The following PLCL1 variants were observed in gnomAD, a reference collection of about 807,000 sequenced individuals.
PLCL1 encodes the protein phospholipase C like 1 (inactive).
Under a neutral mutation model 84.4 loss-of-function variants are expected in PLCL1, and 41 were observed. That is an observed-to-expected ratio of 0.49 (90% CI 0.38 to 0.63). PLCL1 has a LOEUF of 0.63. Ranked by LOEUF, PLCL1 falls within the 30% of genes least tolerant of loss-of-function variation. The pLI is 0.00. For missense variants in PLCL1, 1,206 were observed against 1,367.8 expected (o/e 0.88, Z 1.87); for synonymous variants, 490 against 488.3 (o/e 1.00, Z -0.05).
intron 5 of PLCL1, among the ~76,000 whole-genome samples, chr2:198,136,339 G>A (rs1016288633): frequency 4.6e-5 from 7 of 152,092 alleles, no homozygotes; most frequent in Admixed American, 1.3e-4. Context: ...GCCATTTTAT[G>A]GATGAGGAAA....
rs1317509174 is a variant in PLCL1 at position 198,149,560 on chromosome 2, TCTTAC to T, written c.*2602_*2606del. ...TAACATTTTAAACCAGACTATTAAC[TCTTAC>T]CTTTATAACCACAGATACAAAGAAC... On this transcript the variant is annotated 3_prime_UTR_variant, in exon 6 of 6. Coordinates refer to ENST00000428675, the MANE Select transcript of PLCL1 (RefSeq NM_006226.4). 1.3e-5 allele frequency: 2 copies of T among 152,272 alleles called. No individual in the cohort carries two copies. The highest frequency in any genetic ancestry group is 2.9e-5 in the Non-Finnish European group (2 of 68,038). The allele number at this position is 152,272 out of a possible 1,614,324, so 9.4% of individuals were successfully genotyped here. A position where few individuals can be genotyped will look rare whatever the true frequency, so the allele number is the denominator to read the frequency against.
chr2:197,866,032 A>ATAT lies in PLCL1; in HGVS notation c.240+60693_240+60694insTAT, dbSNP rs1460970872. On this transcript the variant is annotated intron_variant, in intron 1 of 5. Coordinates refer to ENST00000428675, the MANE Select transcript of PLCL1 (RefSeq NM_006226.4). The stretch of plus-strand genomic sequence containing the variant: ...CTCCAAAAAAAAAAAAAAAAAAAAA[A>ATAT]AAAAATATATATATATATATACACA... Among the ~76,000 whole-genome samples the ATAT allele has an allele frequency of 3.0e-4, 17 of 56,278 alleles. 1 individual carries two copies. The highest frequency in any genetic ancestry group is 5.1e-4 in the Non-Finnish European group (16 of 31,316). 36.9% of individuals were successfully genotyped at this position (56,278 alleles called of 152,430 possible).
intron 1 of PLCL1, among the ~76,000 whole-genome samples, chr2:197,854,084 A>G (rs1687289046): frequency 6.6e-6 from 1 of 152,124 alleles, no homozygotes; most frequent in Non-Finnish European, 1.5e-5. Context: ...ATTCTTACGC[A>G]CATTATTAGC....
intron 1 of PLCL1, among the ~76,000 whole-genome samples, chr2:198,004,555 C>A (rs1348190343): frequency 6.6e-6 from 1 of 152,090 alleles, no homozygotes; most frequent in East Asian, 1.9e-4. Context: ...TTAAAAAAAA[C>A]TTTGTGGCTC....
At chr2:198,115,928 T>C (rs532478959) in intron 5 of PLCL1, among the ~76,000 whole-genome samples, 28 of 147,966 alleles carry the variant, frequency 1.9e-4, no homozygotes, top group African/African-American at 6.9e-4. Context: ...TTTTATGAAA[T>C]ATAAAATTAT....
chr2:198,034,069 A>C (rs1302670214), intron 1 of PLCL1, among the ~76,000 whole-genome samples: 1 of 152,164 alleles, frequency 6.6e-6, no homozygotes, highest in Non-Finnish European at 1.5e-5. Context: ...ATATGTATAC[A>C]TGTACCATGT....
At chr2:197,811,447 C>T (rs1392021597) in intron 1 of PLCL1, among the ~76,000 whole-genome samples, 1 of 152,136 alleles carries the variant, frequency 6.6e-6, no homozygotes, top group African/African-American at 2.4e-5. Context: ...TTAAACTCAT[C>T]TTATTAATAA....
At chr2:197,923,823 T>C (rs1475263309) in intron 1 of PLCL1, among the ~76,000 whole-genome samples, 2 of 151,160 alleles carry the variant, frequency 1.3e-5, no homozygotes, top group Non-Finnish European at 3.0e-5. Context: ...GAGGTGTAGG[T>C]TGTAGCGAGC....
chr2:197,978,922 C>G (rs1192413866), intron 1 of PLCL1, among the ~76,000 whole-genome samples: 8 of 152,220 alleles, frequency 5.3e-5, no homozygotes, highest in Non-Finnish European at 1.2e-4. Flanking sequence ...CAACTCCACA[C>G]AGACAATGGC....
intron 5 of PLCL1, among the ~76,000 whole-genome samples, chr2:198,116,535 A>G (rs1172993258): frequency 6.6e-6 from 1 of 151,874 alleles, no homozygotes; most frequent in Non-Finnish European, 1.5e-5. Context: ...TTTTAAAAAT[A>G]TGCTTAAATT....
intron 1 of PLCL1, among the ~76,000 whole-genome samples, chr2:197,998,175 ATGTG>A (rs58332002): frequency 0.045 from 5,937 of 131,876 alleles, 134 homozygotes; most frequent in South Asian, 0.051. Flanking sequence ...GAATGGAGCT[ATGTG>A]TGTGTGTGTG....
intron 1 of PLCL1, among the ~76,000 whole-genome samples, chr2:197,903,189 G>A (rs1688301047): frequency 6.6e-6 from 1 of 152,062 alleles, no homozygotes; most frequent in Non-Finnish European, 1.5e-5. Flanking sequence ...TATAATAAAT[G>A]TTTTAGGATT....
At chr2:198,045,178 C>T (rs933242071) in intron 1 of PLCL1, among the ~76,000 whole-genome samples, 1 of 152,058 alleles carries the variant, frequency 6.6e-6, no homozygotes, top group African/African-American at 2.4e-5. Context: ...TATTTATATC[C>T]CAAAACATAG....
intron 1 of PLCL1, among the ~76,000 whole-genome samples, chr2:197,887,253 G>A (rs1415052836): frequency 6.6e-6 from 1 of 152,026 alleles, no homozygotes; most frequent in African/African-American, 2.4e-5. Context: ...GTTTTACATT[G>A]GAGTGTAGTG....
rs1402779510 is a variant in PLCL1 at position 198,147,309 on chromosome 2, AGTTATTCCTTGAT to A, written c.*348_*360del. Reference sequence around the variant, plus strand: ...TCTGTGTTGCATTATTCATTTAGTGAGTTATTCCTTGATCATTTTGGGACAATTGTTTTAATCT... The same window carrying A: ...TCTGTGTTGCATTATTCATTTAGTGACATTTTGGGACAATTGTTTTAATCT... On this transcript the variant is annotated 3_prime_UTR_variant, in exon 6 of 6. Transcript: ENST00000428675. 1 of 162,716 alleles carries A rather than the reference AGTTATTCCTTGAT, an allele frequency of 6.1e-6. No homozygotes were observed. Among genetic ancestry groups the A allele is most frequent in the Non-Finnish European group, 1.3e-5 (1 of 75,216 alleles). 10.1% of individuals were successfully genotyped at this position (162,716 alleles called of 1,614,324 possible).
In PLCL1 at chr2:197,854,321, C is replaced by T. The variant is rs1687293257; in HGVS notation, c.240+48982C>T. Among the ~76,000 whole-genome samples the T allele has an allele frequency of 1.3e-5, 2 of 152,186 alleles. 1 individual carries two copies. The highest frequency in any genetic ancestry group is 4.1e-4 in the South Asian group (2 of 4,828). On this transcript the variant is annotated intron_variant, in intron 1 of 5. Coordinates refer to ENST00000428675, the MANE Select transcript of PLCL1 (RefSeq NM_006226.4). ...AAGTGGAATACCAAGCCAATTCAAACATAAATCTAAACATATATTGATTTC... is the reference window on the plus strand; with the variant it reads ...AAGTGGAATACCAAGCCAATTCAAATATAAATCTAAACATATATTGATTTC...
intron 1 of PLCL1, among the ~76,000 whole-genome samples, chr2:197,901,343 A>T (rs180936784): frequency 6.6e-6 from 1 of 152,340 alleles, no homozygotes; most frequent in African/African-American, 2.4e-5. Flanking sequence ...AATCTTTTTG[A>T]TACAGGTCAG....
At chr2:197,873,044 G>T (rs1176551597) in intron 1 of PLCL1, among the ~76,000 whole-genome samples, 1 of 152,076 alleles carries the variant, frequency 6.6e-6, no homozygotes, top group African/African-American at 2.4e-5. Flanking sequence ...GTTAACAAGG[G>T]TCTAAGATTT....
At chr2:198,039,432 G>A (rs1691611694) in intron 1 of PLCL1, among the ~76,000 whole-genome samples, 1 of 152,048 alleles carries the variant, frequency 6.6e-6, no homozygotes, top group Non-Finnish European at 1.5e-5. Context: ...TAGAACTGAT[G>A]CATAATTACT....
Sources: gnomAD v4.1 joint callset for allele counts (sites outside exome capture counted in the v4.1 genomes callset) on GRCh38, gnomAD v4.1.1 for gene constraint, MANE v1.5 for transcripts, NCBI Gene and HGNC (gene_info 2026-07-23, HGNC 2026-07-21) for gene names.